The following CTNNA2 variants were observed in gnomAD, a reference collection of about 807,000 sequenced individuals.
CTNNA2 encodes the protein catenin alpha 2.
Under a neutral mutation model 101.0 loss-of-function variants are expected in CTNNA2, and 42 were observed. The ratio of observed to expected loss-of-function variants is 0.42; its 90% CI spans 0.32 to 0.54. The LOEUF (loss-of-function observed/expected upper bound fraction) is 0.54. CTNNA2 is among the 20% of genes least tolerant of loss of function. The pLI is 0.14. For synonymous variants in CTNNA2, 450 were observed against 456.4 expected, an observed-to-expected ratio of 0.99 and a Z score of 0.18; for missense variants, 871 against 1,223.1, an observed-to-expected ratio of 0.71 and a Z score of 4.29.
intron 7 of CTNNA2, among the ~76,000 whole-genome samples, chr2:80,161,355 A>G (rs1275240455): frequency 6.6e-6 from 1 of 152,064 alleles, no homozygotes; most frequent in Non-Finnish European, 1.5e-5. Flanking sequence ...TATTTTCAGT[A>G]TATTAAAAAG....
chr2:79,286,250 T>G (rs1295786276), intron 2 of CTNNA2, among the ~76,000 whole-genome samples: 1 of 152,222 alleles, frequency 6.6e-6, no homozygotes, highest in Non-Finnish European at 1.5e-5. Context: ...TTTAGTCCAT[T>G]TACATTTAAA....
chr2:80,103,666 C>T (rs540099455), intron 7 of CTNNA2, among the ~76,000 whole-genome samples: 1 of 151,564 alleles, frequency 6.6e-6, no homozygotes, highest in African/African-American at 2.4e-5. Flanking sequence ...TGTGCACACA[C>T]CTGAGTGAGT....
chr2:79,392,799 A>G (rs1218460702), intron 4 of CTNNA2, among the ~76,000 whole-genome samples: 1 of 152,164 alleles, frequency 6.6e-6, no homozygotes, highest in Non-Finnish European at 1.5e-5. Flanking sequence ...TCTTAATGAT[A>G]TCCTATGCAG....
At chr2:79,239,845 T>A (rs1395577772) in intron 2 of CTNNA2, among the ~76,000 whole-genome samples, 3 of 152,202 alleles carry the variant, frequency 2.0e-5, no homozygotes, top group Non-Finnish European at 4.4e-5. Flanking sequence ...GTAAAAGTGC[T>A]TTTTAATGTT....
At chr2:79,540,330 C>T (rs1483933586) in intron 1 of CTNNA2, among the ~76,000 whole-genome samples, 1 of 152,132 alleles carries the variant, frequency 6.6e-6, no homozygotes, top group East Asian at 1.9e-4. Flanking sequence ...ATGCATATAA[C>T]AATATTACTT....
At chr2:79,195,452 C>CT (rs1480467700) in intron 1 of CTNNA2, among the ~76,000 whole-genome samples, 2 of 152,166 alleles carry the variant, frequency 1.3e-5, no homozygotes, top group Non-Finnish European at 2.9e-5. Flanking sequence ...CTCTGGTAGT[C>CT]TTTAGCTGAT....
chr2:79,331,181 C>A (rs1354571453), intron 3 of CTNNA2, among the ~76,000 whole-genome samples: 1 of 152,130 alleles, frequency 6.6e-6, no homozygotes, highest in Admixed American at 6.5e-5. Flanking sequence ...GTTTCATCTG[C>A]TCATCTCAAA....
rs561891667 is a variant in CTNNA2, at chr2:80,443,782, C to T, written c.1290+24181C>T. 7.2e-5 allele frequency among the ~76,000 whole-genome samples: 11 copies of T among 152,308 alleles called. No individual in the cohort carries two copies. The South Asian group carries it at 1.0e-3, about 14-fold the overall frequency. On this transcript the variant is annotated intron_variant, in intron 9 of 18. Transcript: ENST00000402739. ...TAAAACTTGGCTAGCATTATATTTACGACACATTAAGTATGAGATATCATT... is the reference window on the plus strand; with the variant it reads ...TAAAACTTGGCTAGCATTATATTTATGACACATTAAGTATGAGATATCATT...
chr2:80,103,290 T>G (rs1440072782), intron 7 of CTNNA2, among the ~76,000 whole-genome samples: 1 of 152,116 alleles, frequency 6.6e-6, no homozygotes, highest in Non-Finnish European at 1.5e-5. Flanking sequence ...AAACAGCCAT[T>G]TTCTTGCTAT....
chr2:80,628,502 A>G (rs1220280866), intron 18 of CTNNA2, among the ~76,000 whole-genome samples: 3 of 150,152 alleles, frequency 2.0e-5, no homozygotes, highest in Admixed American at 6.7e-5. Context: ...ATTAATAAAT[A>G]GTGTTGGGAA....
chr2:80,346,077 T>C (rs1672706950), intron 7 of CTNNA2, among the ~76,000 whole-genome samples: 2 of 152,240 alleles, frequency 1.3e-5, no homozygotes, highest in South Asian at 4.1e-4. Context: ...TTAATTGAAC[T>C]ACAGGAATTC....
intron 2 of CTNNA2, among the ~76,000 whole-genome samples, chr2:79,739,287 T>G (rs1671116554): frequency 6.6e-6 from 1 of 152,192 alleles, no homozygotes; most frequent in South Asian, 2.1e-4. Context: ...CATGTTTTAA[T>G]AACATATTCT....
intron 7 of CTNNA2, among the ~76,000 whole-genome samples, chr2:80,205,153 T>A (rs900987575): frequency 6.6e-6 from 1 of 152,178 alleles, no homozygotes; most frequent in African/African-American, 2.4e-5. Flanking sequence ...TCAGTTCTGA[T>A]ATTCTTGGCT....
chr2:79,636,882 A>G (rs1573536745), intron 1 of CTNNA2: 1 of 152,322 alleles, frequency 6.6e-6, no homozygotes, highest in East Asian at 1.9e-4. Flanking sequence ...GATGCTGCAT[A>G]AATTTGCTTG....
At chr2:80,099,236 T>A (rs934860322) in intron 7 of CTNNA2, among the ~76,000 whole-genome samples, 1 of 152,108 alleles carries the variant, frequency 6.6e-6, no homozygotes, top group African/African-American at 2.4e-5. Context: ...AGTTTTCTTT[T>A]TCTACCAGTT....
intron 1 of CTNNA2, among the ~76,000 whole-genome samples, chr2:79,551,072 G>A (rs547300664): frequency 5.9e-5 from 9 of 152,328 alleles, no homozygotes; most frequent in African/African-American, 2.2e-4. Flanking sequence ...TCTTATAGCT[G>A]TGTCTGTTTT....
chr2:79,468,392 AC>A (rs1463182249), intron 4 of CTNNA2, among the ~76,000 whole-genome samples: 1 of 152,176 alleles, frequency 6.6e-6, no homozygotes, highest in Non-Finnish European at 1.5e-5. Context: ...GCCCTTAGAG[AC>A]CAACAAAGAG....
intron 14 of CTNNA2, 67 bp downstream of exon 14, chr2:80,581,886 A>G: frequency 1.1e-6 from 1 of 932,188 alleles, no homozygotes; most frequent in Non-Finnish European, 1.8e-6. Flanking sequence ...GTTTGAGGGT[A>G]TTTCTAAACT....
rs1018780246 is a variant in CTNNA2 at position 79,402,746 on chromosome 2, G to A, written c.-135+28733G>A. On this transcript the variant is annotated intron_variant, in intron 4 of 21. Transcript: ENST00000466387. Reference sequence around the variant, plus strand: ...AAACCATATATAGGCCATAGAACAGGCCTCAATAAAACTTTATAATGATTA... The same window carrying A: ...AAACCATATATAGGCCATAGAACAGACCTCAATAAAACTTTATAATGATTA... 2.0e-5 allele frequency among the ~76,000 whole-genome samples: 3 copies of A among 151,754 alleles called. No homozygotes were observed. The South Asian group carries it at 6.2e-4, about 32-fold the overall frequency.
Sources: gnomAD v4.1 joint callset for allele counts (sites outside exome capture counted in the v4.1 genomes callset) on GRCh38, gnomAD v4.1.1 for gene constraint, MANE v1.5 for transcripts, NCBI Gene and HGNC (gene_info 2026-07-23, HGNC 2026-07-21) for gene names.